Variants in CSMD3 observed in about 807,000 individuals in gnomAD.
The protein encoded by CSMD3 is CUB and sushi domain-containing protein 3.
CSMD3 carries 177 observed loss-of-function variants against 435.2 expected under a neutral mutation model. The ratio of observed to expected loss-of-function variants is 0.41; its 90% confidence interval spans 0.36 to 0.46. The LOEUF is 0.46. CSMD3 is among the 20% of genes least tolerant of loss of function. The pLI is 0.34. For missense variants in CSMD3, 4,265 were observed against 4,504.6 expected, an observed-to-expected ratio of 0.95 and a Z score of 1.52; for synonymous variants, 1,656 against 1,520.5, an observed-to-expected ratio of 1.09 and a Z score of -2.07.
chr8:112,518,188 A>G (rs1255931493), intron 27 of CSMD3, among the ~76,000 whole-genome samples: 2 of 152,160 alleles, frequency 1.3e-5, no homozygotes. Flanking sequence ...TTTATATAAC[A>G]TTCTTGAAGT....
At chr8:112,588,139 G>T (rs1298483960) in intron 22 of CSMD3, among the ~76,000 whole-genome samples, 2 of 150,622 alleles carry the variant, frequency 1.3e-5, no homozygotes. Flanking sequence ...AAACCATAGG[G>T]CAGAAATATT....
intron 5 of CSMD3, among the ~76,000 whole-genome samples, chr8:113,038,472 T>C (rs1280052862): frequency 1.3e-5 from 2 of 152,082 alleles, no homozygotes; most frequent in South Asian, 2.1e-4. Context: ...CATCACAGAA[T>C]AGAATTTAGC....
chr8:113,292,389 A>T (rs1003626722), intron 2 of CSMD3, among the ~76,000 whole-genome samples: 1 of 151,942 alleles, frequency 6.6e-6, no homozygotes, highest in Non-Finnish European at 1.5e-5. Flanking sequence ...AAAATTCAAT[A>T]ATATATTTTT....
intron 61 of CSMD3, among the ~76,000 whole-genome samples, chr8:112,261,169 T>C (rs1449794212): frequency 2.0e-5 from 3 of 152,070 alleles, no homozygotes; most frequent in African/African-American, 4.8e-5. Context: ...CATCACTTAA[T>C]AGGAAGCTTC....
intron 22 of CSMD3, among the ~76,000 whole-genome samples, chr8:112,634,243 G>GA (rs533346360): frequency 1.2e-3 from 174 of 145,058 alleles, no homozygotes; most frequent in African/African-American, 3.1e-3. Context: ...CTAAAATATG[G>GA]AAAAAAAAAC....
intron 1 of CSMD3, among the ~76,000 whole-genome samples, chr8:113,390,681 G>A (rs557668428): frequency 1.3e-5 from 2 of 151,894 alleles, no homozygotes; most frequent in East Asian, 1.9e-4. Context: ...CAGCTGTTCA[G>A]CCAAGGGTCT....
At chr8:112,625,382 A>T (rs1834394627) in intron 22 of CSMD3, among the ~76,000 whole-genome samples, 1 of 152,132 alleles carries the variant, frequency 6.6e-6, no homozygotes, top group South Asian at 2.1e-4. Context: ...GAAAAATGAA[A>T]ATCAAACATT....
chr8:113,316,162 A>G (rs7004306), intron 1 of CSMD3, among the ~76,000 whole-genome samples: 20,413 of 152,164 alleles, frequency 0.13, 1,633 homozygotes, highest in Middle Eastern at 0.21. Flanking sequence ...CAGGATCAGA[A>G]GTTCTCATGA....
chr8:113,294,349 A>G (rs867865452), intron 2 of CSMD3, among the ~76,000 whole-genome samples: 17 of 152,104 alleles, frequency 1.1e-4, no homozygotes, highest in African/African-American at 3.6e-4. Flanking sequence ...AACATACATT[A>G]TCTCATTATC....
In CSMD3 at chr8:113,081,657, C is replaced by T. The variant is rs73702288; in HGVS notation, c.917+17099G>A. ...ATCATTTTGAGAGCAGAGCCACCAT[C>T]ACACTACATCTTGCCCTGGGGCTTG... is the stretch of plus-strand genomic sequence containing the variant. On this transcript the variant is annotated intron_variant, in intron 5 of 70. Coordinates refer to ENST00000297405, the MANE Select transcript of CSMD3 (RefSeq NM_198123.2). Among the ~76,000 whole-genome samples, 1,193 of 152,204 alleles carry T rather than the reference C, an allele frequency of 7.8e-3. 16 individuals are homozygous for T. Among genetic ancestry groups the T allele is most frequent in the African/African-American group, 0.027 (1,132 of 41,522 alleles).
chr8:112,581,602 T>C (rs1468287243), intron 23 of CSMD3, among the ~76,000 whole-genome samples: 1 of 152,110 alleles, frequency 6.6e-6, no homozygotes, highest in Non-Finnish European at 1.5e-5. Context: ...TGAAATTATA[T>C]AGTAAATTTG....
chr8:112,614,294 A>T (rs1385967689), intron 22 of CSMD3, among the ~76,000 whole-genome samples: 1 of 152,056 alleles, frequency 6.6e-6, no homozygotes, highest in Non-Finnish European at 1.5e-5. Flanking sequence ...CCCAGAGTCT[A>T]TTTGCAACTT....
chr8:113,036,852 T>C (rs1189232090), intron 5 of CSMD3, among the ~76,000 whole-genome samples: 2 of 152,042 alleles, frequency 1.3e-5, no homozygotes, highest in Admixed American at 1.3e-4. Flanking sequence ...TTTCAAAAAT[T>C]CCCTCGTTTT....
chr8:112,658,067 T>G (rs2075297117), intron 17 of CSMD3, among the ~76,000 whole-genome samples: 1 of 152,194 alleles, frequency 6.6e-6, no homozygotes, highest in South Asian at 2.1e-4. Flanking sequence ...TAGTTACTAG[T>G]TTTACAAAAA....
intron 22 of CSMD3, among the ~76,000 whole-genome samples, chr8:112,622,874 T>C (rs1205050371): frequency 6.6e-6 from 1 of 152,116 alleles, no homozygotes; most frequent in East Asian, 1.9e-4. Flanking sequence ...ATCAACATAC[T>C]TAATAAATTT....
intron 66 of CSMD3, among the ~76,000 whole-genome samples, chr8:112,238,561 G>T (rs1409442734): frequency 1.3e-5 from 2 of 151,732 alleles, no homozygotes; most frequent in Non-Finnish European, 2.9e-5. Flanking sequence ...TATCACTTTG[G>T]AGTAATGTAA....
intron 24 of CSMD3, among the ~76,000 whole-genome samples, chr8:112,568,429 T>A: frequency 6.6e-6 from 1 of 151,670 alleles, no homozygotes; most frequent in Non-Finnish European, 1.5e-5. Flanking sequence ...CCTGTCTCTA[T>A]TAAAAATACA....
intron 5 of CSMD3, among the ~76,000 whole-genome samples, chr8:113,037,597 T>TA (rs2087412032): frequency 6.6e-6 from 1 of 152,180 alleles, no homozygotes; most frequent in African/African-American, 2.4e-5. Flanking sequence ...ATGATGTAGT[T>TA]ACAATTTTAT....
chr8:112,270,006 T>A (rs1420939001), intron 59 of CSMD3, among the ~76,000 whole-genome samples: 1 of 152,150 alleles, frequency 6.6e-6, no homozygotes, highest in Admixed American at 6.5e-5. Context: ...AATGAGGACA[T>A]GTCTGGAGTT....
Sources: allele counts gnomAD v4.1 joint callset (sites outside exome capture counted in the v4.1 genomes callset), GRCh38; gene constraint gnomAD v4.1.1; transcripts MANE v1.5; gene names NCBI Gene and HGNC (gene_info 2026-07-23, HGNC 2026-07-21).